LRRC7: variants seen among roughly 807,000 people sequenced by gnomAD.
The protein encoded by LRRC7 is leucine rich repeat containing 7, also known as leucine-rich repeat-containing protein 7.
Under a neutral mutation model 175.7 loss-of-function variants are expected in LRRC7, and 23 were observed. The observed-to-expected ratio is 0.13, with a 90% CI of 0.09 to 0.19. LRRC7 has a LOEUF of 0.19. LRRC7 is among the 10% of genes least tolerant of loss of function. LRRC7 has a pLI of 1.00. For missense variants in LRRC7, 1,354 were observed against 1,904.7 expected, an observed-to-expected ratio of 0.71 and a Z score of 5.38; for synonymous variants, 685 against 680.9, an observed-to-expected ratio of 1.01 and a Z score of -0.09.
At chr1:69,629,221 G>A (rs1467955307) in intron 1 of LRRC7, among the ~76,000 whole-genome samples, 1 of 151,994 alleles carries the variant, frequency 6.6e-6, no homozygotes, top group African/African-American at 2.4e-5. Context: ...CTGAGAAAAG[G>A]CTGTTATCCA....
At chr1:70,093,535 C>A (rs1410884898) in intron 25 of LRRC7, among the ~76,000 whole-genome samples, 1 of 152,044 alleles carries the variant, frequency 6.6e-6, no homozygotes, top group Non-Finnish European at 1.5e-5. Flanking sequence ...TGTCACTTAG[C>A]AGAAGAGCCA....
At chr1:69,840,614 T>C (rs1035586443) in intron 7 of LRRC7, among the ~76,000 whole-genome samples, 6 of 152,070 alleles carry the variant, frequency 3.9e-5, no homozygotes, top group Non-Finnish European at 7.4e-5. Context: ...TGATGGAGAC[T>C]CTTAGATGTA....
rs1467966330 is a variant in LRRC7, at chr1:70,143,522, G to C, written c.*21635G>C. 6.6e-6 allele frequency: 1 copy of C among 152,058 alleles called. No individual in the cohort carries two copies. Among genetic ancestry groups the C allele is most frequent in the East Asian group, 1.9e-4 (1 of 5,192 alleles). The allele number at this position is 152,058 out of a possible 1,614,324, so 9.4% of individuals were successfully genotyped here. A position where few individuals can be genotyped will look rare whatever the true frequency, so the allele number is the denominator to read the frequency against. On this transcript the variant is annotated 3_prime_UTR_variant, in exon 27 of 27. Transcript: ENST00000651989. ...AGTTTATTGACACTACCCTTGTAAA[G>C]CTTTTATGGAAGAACCAACAAGCCA...
intron 3 of LRRC7, among the ~76,000 whole-genome samples, chr1:69,769,281 C>A (rs1671959981): frequency 6.6e-6 from 1 of 152,162 alleles, no homozygotes; most frequent in African/African-American, 2.4e-5. Flanking sequence ...TCTTGCCCAT[C>A]TCCTACAATT....
chr1:69,898,662 A>ACTGCTGCTGCTGCTGCTGCTGCTG (rs35234345), intron 7 of LRRC7, among the ~76,000 whole-genome samples: 9 of 150,762 alleles, frequency 6.0e-5, no homozygotes, highest in African/African-American at 2.2e-4. Context: ...TGCTATCATC[A>ACTGCTGCTGCTGCTGCTGCTGCTG]CTGCTGCTGC....
At chr1:69,681,590 G>A (rs1033645565) in intron 2 of LRRC7, among the ~76,000 whole-genome samples, 1 of 152,076 alleles carries the variant, frequency 6.6e-6, no homozygotes, top group Non-Finnish European at 1.5e-5. Context: ...GATTATTGTG[G>A]AAGACAGATT....
chr1:70,096,567 G>C (rs1458657506), intron 25 of LRRC7, among the ~76,000 whole-genome samples: 1 of 151,454 alleles, frequency 6.6e-6, no homozygotes. Context: ...TGTTCATTGA[G>C]GTATACTGAG....
chr1:70,071,263 A>C (rs538404802), intron 23 of LRRC7, among the ~76,000 whole-genome samples: 1 of 152,248 alleles, frequency 6.6e-6, no homozygotes, highest in African/African-American at 2.4e-5. Flanking sequence ...TATGACACAA[A>C]AATAAGCCCA....
intron 7 of LRRC7, among the ~76,000 whole-genome samples, chr1:69,878,320 G>A (rs1180094578): frequency 2.0e-5 from 3 of 150,902 alleles, no homozygotes; most frequent in African/African-American, 7.3e-5. Context: ...GTGACAGACT[G>A]ACATCTGCAT....
At chr1:69,577,375 T>G (rs1343184592) in intron 1 of LRRC7, among the ~76,000 whole-genome samples, 5 of 152,142 alleles carry the variant, frequency 3.3e-5, no homozygotes, top group Non-Finnish European at 5.9e-5. Flanking sequence ...CAGAAGCTCT[T>G]TAGTTTAATT....
At chr1:69,658,425 T>A (rs1013497732) in intron 1 of LRRC7, among the ~76,000 whole-genome samples, 5 of 152,014 alleles carry the variant, frequency 3.3e-5, no homozygotes, top group Non-Finnish European at 7.4e-5. Context: ...GATATATTTT[T>A]AAGTGAGTTG....
At chr1:69,888,196 G>A (rs1645710913) in intron 7 of LRRC7, among the ~76,000 whole-genome samples, 1 of 151,970 alleles carries the variant, frequency 6.6e-6, no homozygotes, top group Admixed American at 6.5e-5. Flanking sequence ...CCTGGGCAAT[G>A]GCGGTCGCCC....
rs1339154026 is a variant in LRRC7, at chr1:69,823,349, A to G, written c.422-2399A>G. ...TTTGCCTAATGTTACCACATTTTCT[A>G]GAAGACTTCTTCACATTTATCTTTT... On this transcript the variant is annotated intron_variant, in intron 4 of 26. Coordinates refer to ENST00000651989, the MANE Select transcript of LRRC7 (RefSeq NM_001370785.2). 2.6e-5 allele frequency among the ~76,000 whole-genome samples: 4 copies of G among 152,166 alleles called. 1 individual carries two copies. Among genetic ancestry groups the G allele is most frequent in the Admixed American group, 2.6e-4 (4 of 15,256 alleles).
intron 7 of LRRC7, among the ~76,000 whole-genome samples, chr1:69,930,037 T>C (rs766281404): frequency 6.0e-5 from 9 of 150,772 alleles, no homozygotes; most frequent in Non-Finnish European, 8.9e-5. Context: ...CCTTACCTGA[T>C]CACCCTACTA....
At chr1:69,833,431 C>T (rs1342069448) in intron 5 of LRRC7, among the ~76,000 whole-genome samples, 1 of 151,754 alleles carries the variant, frequency 6.6e-6, no homozygotes, top group East Asian at 1.9e-4. Flanking sequence ...GGAGGGACAC[C>T]CAGAAGGTTT....
intron 10 of LRRC7, among the ~76,000 whole-genome samples, chr1:69,993,383 G>C (rs1365072990): frequency 6.6e-6 from 1 of 152,168 alleles, no homozygotes; most frequent in Non-Finnish European, 1.5e-5. Flanking sequence ...GAAATGTGAA[G>C]TGCAGCCACA....
chr1:69,922,549 C>G (rs1325990831), intron 7 of LRRC7, among the ~76,000 whole-genome samples: 1 of 152,056 alleles, frequency 6.6e-6, no homozygotes, highest in Admixed American at 6.6e-5. Flanking sequence ...AAACCTTAAA[C>G]TTGGGAGAAA....
intron 5 of LRRC7, among the ~76,000 whole-genome samples, chr1:69,831,970 C>G (rs540727815): frequency 1.3e-5 from 2 of 152,016 alleles, no homozygotes; most frequent in African/African-American, 2.4e-5. Flanking sequence ...TTTCAAAGAA[C>G]CTATCAATGA....
chr1:69,782,216 C>T (rs1014512487), intron 3 of LRRC7, among the ~76,000 whole-genome samples: 10 of 152,188 alleles, frequency 6.6e-5, no homozygotes, highest in Admixed American at 6.5e-4. Context: ...TTATGCCACT[C>T]TCCTACATAG....
Sources: gnomAD v4.1 joint callset for allele counts (sites outside exome capture counted in the v4.1 genomes callset) on GRCh38, gnomAD v4.1.1 for gene constraint, MANE v1.5 for transcripts, NCBI Gene and HGNC (gene_info 2026-07-23, HGNC 2026-07-21) for gene names.